The following TNS1 variants were observed in gnomAD, a reference collection of about 807,000 sequenced individuals.
TNS1 encodes the protein tensin-1.
In TNS1, 62 loss-of-function variants were observed where a neutral mutation model predicts 168.6. The ratio of observed to expected loss-of-function variants is 0.37; its 90% confidence interval spans 0.30 to 0.45. The LOEUF is 0.45. Among genes scored for constraint, TNS1 ranks in the 20% least tolerant of loss-of-function variants. TNS1 has a pLI of 1.00. For synonymous variants in TNS1, 934 were observed against 933.2 expected, an observed-to-expected ratio of 1.00 and a Z score of -0.02; for missense variants, 2,240 against 2,339.4, an observed-to-expected ratio of 0.96 and a Z score of 0.88.
At chr2:217,886,436 G>T in intron 13 of TNS1, 98 bp downstream of exon 13, 1 of 967,104 alleles carries the variant, frequency 1.0e-6, no homozygotes, top group South Asian at 1.4e-5. Flanking sequence ...TGCAGCTCTC[G>T]GGCTGTCTGT....
At chr2:218,005,403 C>A (rs370786077), upstream of TNS1, among the ~76,000 whole-genome samples, 277 of 152,260 alleles carry the variant, frequency 1.8e-3, 1 homozygote, top group African/African-American at 6.1e-3. Flanking sequence ...TTGGAGAAAC[C>A]CTCCCTCCAG....
chr2:217,854,576 C>T (rs376063637), intron 18 of TNS1, among the ~76,000 whole-genome samples: 191 of 152,276 alleles, frequency 1.3e-3, no homozygotes, highest in African/African-American at 4.4e-3. Context: ...CAGACATAGG[C>T]TGTTTGGAGG....
Position 217,848,574 on chromosome 2 carries a change from T to A in TNS1, c.1943A>T (p.Asp648Val). 6.2e-7 allele frequency: 1 copy of A among 1,614,134 alleles called. No individual in the cohort carries two copies. Among genetic ancestry groups the A allele is most frequent in the Admixed American group, 1.7e-5 (1 of 60,022 alleles). Residue 648 changes from aspartate (D) to valine (V), a missense_variant, in exon 19 of 33, where the codon GAC becomes GTC. Asp to Val is a radical substitution (Grantham distance 152, BLOSUM62 -3). Transcript: ENST00000682258. ...CCCCTCACTGGTGTTGGTGACCCCG[T>A]CCAGAGAAGAGAGTGTGCCCATGCT... The part of the protein sequence containing the change: ...AGSMGTLSSL[D>V]GVTNTSEGGY...
chr2:217,917,704 G>A (rs757403937), intron 4 of TNS1, among the ~76,000 whole-genome samples: 2 of 151,780 alleles, frequency 1.3e-5, no homozygotes, highest in Admixed American at 6.6e-5. Context: ...GGTGCCGTGC[G>A]CCTGTAGTCC....
intron 7 of TNS1, among the ~76,000 whole-genome samples, chr2:217,899,630 G>C (rs1290121535): frequency 1.3e-5 from 2 of 152,234 alleles, no homozygotes; most frequent in African/African-American, 4.8e-5. Context: ...GGCCGTGCTG[G>C]TGAGGGCCAT....
chr2:217,816,938 T>C lies in TNS1; in HGVS notation c.4642+752A>G, dbSNP rs546483364. 1.1e-3 allele frequency among the ~76,000 whole-genome samples: 169 copies of C among 152,290 alleles called. 1 individual carries two copies. The highest frequency in any genetic ancestry group is 3.9e-3 in the African/African-American group (163 of 41,554). ...ACTGTGCACACAGTCAAGTTCAAAG[T>C]TGGCCTTTGTGTTTAGACAATGAGC... On this transcript the variant is annotated intron_variant, in intron 24 of 32. Transcript: ENST00000682258.
intron 1 of TNS1, among the ~76,000 whole-genome samples, chr2:218,020,562 A>T (rs1958798684): frequency 6.6e-6 from 1 of 151,506 alleles, no homozygotes; most frequent in South Asian, 2.1e-4. Context: ...AAGGCTGAGG[A>T]TTGGTGGCTC....
At chr2:217,938,914 G>A (rs1956771462) in intron 3 of TNS1, among the ~76,000 whole-genome samples, 2 of 152,128 alleles carry the variant, frequency 1.3e-5, no homozygotes, top group South Asian at 2.1e-4. Flanking sequence ...TTCTTCCCTG[G>A]GATCTGATGT....
chr2:217,961,544 T>C (rs1957496946), intron 3 of TNS1, among the ~76,000 whole-genome samples: 1 of 152,066 alleles, frequency 6.6e-6, no homozygotes, highest in South Asian at 2.1e-4. Flanking sequence ...ATCCCCTACA[T>C]ACCCAGGAAC....
intron 3 of TNS1, among the ~76,000 whole-genome samples, chr2:217,964,712 G>A (rs956061643): frequency 2.6e-5 from 4 of 152,150 alleles, no homozygotes; most frequent in Non-Finnish European, 4.4e-5. Flanking sequence ...TGTGACCCAC[G>A]AGTGACCTTC....
intron 1 of TNS1, among the ~76,000 whole-genome samples, chr2:217,994,042 C>T (rs1304645625): frequency 6.6e-6 from 1 of 152,126 alleles, no homozygotes; most frequent in Non-Finnish European, 1.5e-5. Flanking sequence ...CCCAGCAGTG[C>T]CCCCTGGTGG....
chr2:217,817,593 G>T, intron 24 of TNS1, 97 bp downstream of exon 24: 1 of 1,111,316 alleles, frequency 9.0e-7, no homozygotes, highest in Non-Finnish European at 1.3e-6. Flanking sequence ...AGGGTCGTCT[G>T]CCAAGAGAAT....
At chr2:217,858,941 C>A (rs1948506065) in intron 18 of TNS1, among the ~76,000 whole-genome samples, 2 of 151,106 alleles carry the variant, frequency 1.3e-5, no homozygotes, top group South Asian at 4.2e-4. Context: ...CCCAGTCCAA[C>A]TCCAGCCCCA....
chr2:217,890,763 C>T (rs1005343203), intron 12 of TNS1, 199 bp downstream of exon 12: 12 of 607,576 alleles, frequency 2.0e-5, no homozygotes, highest in South Asian at 5.9e-5. Context: ...TGCCAATCTG[C>T]GGGCACACAC....
intron 1 of TNS1, among the ~76,000 whole-genome samples, chr2:217,994,159 C>A (rs1958426885): frequency 9.4e-6 from 1 of 106,128 alleles, no homozygotes. Context: ...GAGGGTGGGG[C>A]AGCTCTGGGC....
intron 4 of TNS1, among the ~76,000 whole-genome samples, chr2:217,909,251 T>C (rs1303747001): frequency 1.3e-5 from 2 of 152,098 alleles, no homozygotes; most frequent in Non-Finnish European, 2.9e-5. Flanking sequence ...TCTGGTCTCC[T>C]GTGGGAAGGA....
At chr2:217,921,590 G>T (rs79570233) in intron 3 of TNS1, among the ~76,000 whole-genome samples, 1,947 of 152,320 alleles carry the variant, frequency 0.013, 51 homozygotes, top group African/African-American at 0.044. Context: ...GTGGCTGGGA[G>T]TTGGCATTCC....
chr2:217,835,967 T>TG, intron 20 of TNS1, 48 bp downstream of exon 20: 1 of 1,514,794 alleles, frequency 6.6e-7, no homozygotes, highest in South Asian at 1.2e-5. Flanking sequence ...AGATTTAAAG[T>TG]GGGCACCACT....
chr2:217,836,597 C>G (rs1382553703), intron 19 of TNS1, among the ~76,000 whole-genome samples: 1 of 152,194 alleles, frequency 6.6e-6, no homozygotes, highest in African/African-American at 2.4e-5. Context: ...CTGCATCAAC[C>G]AACCAGCAAC....
Sources: allele counts gnomAD v4.1 joint callset (sites outside exome capture counted in the v4.1 genomes callset), GRCh38; gene constraint gnomAD v4.1.1; transcripts MANE v1.5; gene names NCBI Gene and HGNC (gene_info 2026-07-23, HGNC 2026-07-21).